The following DAAM1 variants were observed in gnomAD, a reference collection of about 807,000 sequenced individuals.
DAAM1 encodes disheveled-associated activator of morphogenesis 1.
In DAAM1, 52 loss-of-function variants were observed where a neutral mutation model predicts 130.0. The ratio of observed to expected loss-of-function variants is 0.40; its 90% CI spans 0.32 to 0.50. The LOEUF is 0.50. DAAM1 is among the 20% of genes least tolerant of loss of function. The pLI is 0.61. For missense variants in DAAM1, 1,134 were observed against 1,303.8 expected (o/e 0.87, Z 2.01); for synonymous variants, 452 against 444.5 (o/e 1.02, Z -0.21).
intron 3 of DAAM1, among the ~76,000 whole-genome samples, chr14:59,299,514 T>C (rs74059724): frequency 0.011 from 1,701 of 152,302 alleles, 29 homozygotes; most frequent in African/African-American, 0.039. Flanking sequence ...GAGTTTCTGC[T>C]TGTTCACCCA....
chr14:59,331,796 T>C lies in DAAM1; in HGVS notation c.1861-17T>C. On this transcript the variant is annotated splice_polypyrimidine_tract_variant and intron_variant, in intron 14 of 24. Transcript: ENST00000360909. ...TATAACTGTAAACTATAGCACTTAT[T>C]ACATTGATGTTTCTAGAACAAACTG... 1 of 1,607,894 alleles carries C rather than the reference T, an allele frequency of 6.2e-7. No individual in the cohort carries two copies. The highest frequency in any genetic ancestry group is 8.5e-7 in the Non-Finnish European group (1 of 1,176,254).
At chr14:59,248,432 T>G (rs1233259395) in intron 1 of DAAM1, among the ~76,000 whole-genome samples, 1 of 152,216 alleles carries the variant, frequency 6.6e-6, no homozygotes, top group East Asian at 1.9e-4. Context: ...CTTTGCTTAT[T>G]GTTTGTCTCC....
At position 59,352,569 on chromosome 14, in the gene DAAM1, A is replaced by T; in HGVS notation, c.2204A>T (p.Glu735Val). Residue 735 changes from glutamate (E) to valine (V), a missense_variant, in exon 18 of 25, where the codon GAG becomes GTG. This residue lies in a region of DAAM1 where 644 missense variants were observed against 695.9 expected (regional missense o/e 0.93). Transcript: ENST00000360909. ...GAAAAAAGTGACATTGACCTATTGG[A>T]GGAACATAAACACGAACTGGATCGG... ...VPEKSDIDLL[E>V]EHKHELDRMA... 1 of 1,613,638 alleles carries T rather than the reference A, an allele frequency of 6.2e-7. No individual in the cohort carries two copies. The highest frequency in any genetic ancestry group is 8.5e-7 in the Non-Finnish European group (1 of 1,179,824).
chr14:59,240,161 G>T (rs1385909109), intron 1 of DAAM1, among the ~76,000 whole-genome samples: 1 of 152,136 alleles, frequency 6.6e-6, no homozygotes, highest in African/African-American at 2.4e-5. Context: ...GCTAGAGGGG[G>T]GTATGGCTTG....
At chr14:59,276,284 A>G (rs1882965968) in intron 2 of DAAM1, among the ~76,000 whole-genome samples, 1 of 152,204 alleles carries the variant, frequency 6.6e-6, no homozygotes, top group Non-Finnish European at 1.5e-5. Flanking sequence ...GCATTTTATA[A>G]AAATGTTTTC....
intron 1 of DAAM1, among the ~76,000 whole-genome samples, chr14:59,191,050 T>C (rs1887715286): frequency 6.6e-6 from 1 of 152,234 alleles, no homozygotes; most frequent in Non-Finnish European, 1.5e-5. Flanking sequence ...TTAAGTGTAA[T>C]TGACATATAA....
intron 1 of DAAM1, among the ~76,000 whole-genome samples, chr14:59,261,536 T>G (rs1882155175): frequency 6.6e-6 from 1 of 152,204 alleles, no homozygotes; most frequent in Non-Finnish European, 1.5e-5. Context: ...TAGTCTTTAT[T>G]TAAGAGCCAG....
intron 18 of DAAM1, among the ~76,000 whole-genome samples, chr14:59,353,475 A>G (rs534968618): frequency 3.0e-4 from 45 of 152,298 alleles, no homozygotes; most frequent in Middle Eastern, 3.4e-3. Flanking sequence ...AGTGTACGGA[A>G]CTGTCCTTTA....
At chr14:59,364,437 C>A (rs919649309) in intron 23 of DAAM1, among the ~76,000 whole-genome samples, 2 of 152,080 alleles carry the variant, frequency 1.3e-5, no homozygotes, top group Non-Finnish European at 1.5e-5. Flanking sequence ...CACCTCTTAG[C>A]TCCCTCAGCT....
At chr14:59,288,896 T>G (rs1313753719) in intron 2 of DAAM1, among the ~76,000 whole-genome samples, 3 of 149,648 alleles carry the variant, frequency 2.0e-5, no homozygotes, top group Non-Finnish European at 4.4e-5. Context: ...ACTGTTGTTG[T>G]TTTTGTTTGT....
At chr14:59,344,145 CT>C (rs1332646845) in intron 16 of DAAM1, among the ~76,000 whole-genome samples, 1 of 152,124 alleles carries the variant, frequency 6.6e-6, no homozygotes, top group Non-Finnish European at 1.5e-5. Context: ...TTCTGCCGTT[CT>C]TTTTTTCCAG....
intron 3 of DAAM1, among the ~76,000 whole-genome samples, chr14:59,307,184 A>G (rs1184481231): frequency 1.3e-5 from 2 of 152,220 alleles, no homozygotes; most frequent in African/African-American, 4.8e-5. Flanking sequence ...TTTTGTCTCA[A>G]GCTTATTTCA....
chr14:59,367,290 A>G, intron 23 of DAAM1, 139 bp from the exon 24 acceptor site: 1 of 1,367,566 alleles, frequency 7.3e-7, no homozygotes, highest in Non-Finnish European at 9.5e-7. Flanking sequence ...CATCTCCAAA[A>G]GAAAGAAAGA....
intron 1 of DAAM1, among the ~76,000 whole-genome samples, chr14:59,209,413 A>G (rs1192492014): frequency 6.6e-6 from 1 of 152,120 alleles, no homozygotes; most frequent in Non-Finnish European, 1.5e-5. Context: ...AAGGTGCGTA[A>G]TTTTCGTTTT....
At chr14:59,240,212 C>T (rs1253018) in intron 1 of DAAM1, among the ~76,000 whole-genome samples, 149,806 of 152,264 alleles carry the variant, frequency 0.98, 73,739 homozygotes, top group East Asian at 1. Flanking sequence ...TGACCGCCCC[C>T]AGTTCTATGG....
chr14:59,327,549 C>T (rs377328202), intron 12 of DAAM1, among the ~76,000 whole-genome samples: 2 of 151,480 alleles, frequency 1.3e-5, no homozygotes, highest in Admixed American at 6.6e-5. Flanking sequence ...CTGGGACTAC[C>T]GGCGCCCGCC....
At chr14:59,268,949 A>T (rs1882587381) in intron 2 of DAAM1, among the ~76,000 whole-genome samples, 1 of 152,224 alleles carries the variant, frequency 6.6e-6, no homozygotes, top group Non-Finnish European at 1.5e-5. Context: ...AAGCGTGACA[A>T]CTCTATAAAT....
chr14:59,364,538 A>G (rs758572931), intron 23 of DAAM1, among the ~76,000 whole-genome samples: 6 of 145,806 alleles, frequency 4.1e-5, no homozygotes, highest in Non-Finnish European at 9.1e-5. Context: ...CTCATTTTCT[A>G]TCCTCTTCTC....
intron 1 of DAAM1, among the ~76,000 whole-genome samples, chr14:59,259,264 C>T (rs1397962816): frequency 6.6e-6 from 1 of 152,240 alleles, no homozygotes; most frequent in East Asian, 1.9e-4. Flanking sequence ...AGACCCAGAC[C>T]TCGATTTACA....
Sources: allele counts gnomAD v4.1 joint callset (sites outside exome capture counted in the v4.1 genomes callset), GRCh38; gene constraint gnomAD v4.1.1; regional missense constraint gnomAD v4.1.1; transcripts MANE v1.5; gene names NCBI Gene and HGNC (gene_info 2026-07-23, HGNC 2026-07-21).